Variants in SEC24C observed in about 807,000 individuals in gnomAD.
The protein encoded by SEC24C is SEC24 homolog C, COPII component, also known as protein transport protein Sec24C.
Under a neutral mutation model 117.0 loss-of-function variants are expected in SEC24C, and 22 were observed. That is an observed-to-expected ratio of 0.19 (90% CI 0.13 to 0.27). SEC24C has a LOEUF of 0.27. Ranked by LOEUF, SEC24C falls within the 10% of genes least tolerant of loss-of-function variation. The pLI, the probability that SEC24C is intolerant of heterozygous loss-of-function variation, is 1.00. For synonymous variants in SEC24C, 506 were observed against 529.4 expected (o/e 0.96, Z 0.61); for missense variants, 1,155 against 1,375.1 (o/e 0.84, Z 2.53).
In SEC24C at chr10:73,765,474, T is replaced by C. The variant is rs375307989; in HGVS notation, c.1251T>C (p.His417=). ...PEEASPYVVD[H]GESGPLRCNR... ...AGGCTTCACCGTATGTTGTGGACCA[T>C]GGGGAATCTGGCCCTTTGCGCTGCA... The change falls in exon 9 of 23, where the codon CAT becomes CAC. Residue 417 remains histidine (H), a synonymous_variant. Transcript: ENST00000345254. 20 of 1,613,660 alleles carry C rather than the reference T, an allele frequency of 1.2e-5. No homozygotes were observed. The highest frequency in any genetic ancestry group is 5.3e-5 in the African/African-American group (4 of 74,916).
intron 2 of SEC24C, among the ~76,000 whole-genome samples, chr10:73,747,485 A>G (rs2082574035): frequency 6.6e-6 from 1 of 150,984 alleles, no homozygotes; most frequent in Admixed American, 6.6e-5. Flanking sequence ...CTGAGTAGCT[A>G]GGATTACAGG....
intron 1 of SEC24C, among the ~76,000 whole-genome samples, chr10:73,746,011 C>G (rs541362512): frequency 6.6e-6 from 1 of 151,516 alleles, no homozygotes; most frequent in Non-Finnish European, 1.5e-5. Flanking sequence ...AATACAAAAA[C>G]TAGCTGGGTG....
chr10:73,755,902 A>C (rs1290872882), intron 3 of SEC24C, among the ~76,000 whole-genome samples: 1 of 150,864 alleles, frequency 6.6e-6, no homozygotes, highest in African/African-American at 2.4e-5. Flanking sequence ...CCCAGGCTGG[A>C]GTGCAGTGGC....
chr10:73,764,535 A>C (rs894434234), intron 8 of SEC24C, among the ~76,000 whole-genome samples: 3 of 151,936 alleles, frequency 2.0e-5, no homozygotes, highest in Non-Finnish European at 4.4e-5. Flanking sequence ...AAAAAAAAAA[A>C]AAAAACAAGA....
chr10:73,746,455 G>A (rs1388923614), intron 1 of SEC24C, among the ~76,000 whole-genome samples: 2 of 152,186 alleles, frequency 1.3e-5, no homozygotes, highest in Admixed American at 6.5e-5. Context: ...TCTTTCACCT[G>A]TAACATCAAG....
intron 7 of SEC24C, 49 bp downstream of exon 7, chr10:73,763,650 T>G (rs1565044304): frequency 2.3e-6 from 2 of 870,126 alleles, no homozygotes; most frequent in Non-Finnish European, 3.6e-6. Context: ...TTCAAGATTA[T>G]CAGCTTATGG....
In SEC24C at chr10:73,759,751, C is replaced by T. The variant is rs369155796; in HGVS notation, c.438C>T (p.Ser146=). 173 of 1,606,808 alleles carry T rather than the reference C, an allele frequency of 1.1e-4. No individual in the cohort carries two copies. Among genetic ancestry groups the T allele is most frequent in the Middle Eastern group, 1.7e-4 (1 of 6,040 alleles). The part of the protein sequence containing the change: ...VATQLSGMQI[S]GAVAPAPPSS... Reference sequence around the variant, plus strand: ...CGCAGCTGTCTGGAATGCAGATCAGCGGTGCTGTGGCCCCAGCCCCTCCTT... The same window carrying T: ...CGCAGCTGTCTGGAATGCAGATCAGTGGTGCTGTGGCCCCAGCCCCTCCTT... The change falls in exon 4 of 23, where the codon AGC becomes AGT. Residue 146 remains serine, a synonymous_variant. Coordinates refer to ENST00000345254, the MANE Select transcript of SEC24C (RefSeq NM_198597.3).
Position 73,757,439 on chromosome 10 carries a change from A to T in SEC24C, c.309-2183A>T, listed in dbSNP as rs548337507. 8.7e-5 allele frequency among the ~76,000 whole-genome samples: 13 copies of T among 148,938 alleles called. No homozygotes were observed. The South Asian group carries it at 2.6e-3, about 29-fold the overall frequency. On this transcript the variant is annotated intron_variant, in intron 3 of 22. Transcript: ENST00000345254. The stretch of plus-strand genomic sequence containing the variant: ...GGCAGGAGGATTGCTAGAGCCCTGG[A>T]GGTTGAGGCTACAGTGAGCCATGAT...
In SEC24C at chr10:73,762,061, T is replaced by A; in HGVS notation, c.987+1212T>A. On this transcript the variant is annotated intron_variant, in intron 6 of 22. Coordinates refer to ENST00000345254, the MANE Select transcript of SEC24C (RefSeq NM_198597.3). The stretch of plus-strand genomic sequence containing the variant: ...TCTTGTTCTTTTGTCTCCCTCCTTG[T>A]ATTCCCCTGCTGCATTTATTATTAA... The A allele has an allele frequency of 3.9e-6, 5 of 1,266,718 alleles. No individual in the cohort carries two copies. In the South Asian group the frequency reaches 6.2e-5, roughly 16 times the overall value. The allele number at this position is 1,266,718 out of a possible 1,614,324, so 78.5% of individuals were successfully genotyped here.
intron 4 of SEC24C, 59 bp from the exon 5 acceptor site, chr10:73,759,959 T>A: frequency 6.6e-7 from 1 of 1,518,532 alleles, no homozygotes; most frequent in Non-Finnish European, 8.8e-7. Context: ...GGAAGTGATA[T>A]ACCGAACAAG....
intron 8 of SEC24C, among the ~76,000 whole-genome samples, 192 bp from the exon 9 acceptor site, chr10:73,765,259 A>G (rs1301974249): frequency 6.6e-6 from 1 of 152,206 alleles, no homozygotes; most frequent in African/African-American, 2.4e-5. Flanking sequence ...AGAGGGAACT[A>G]TATAATTTTT....
In SEC24C at chr10:73,769,060, G is replaced by A. The variant is rs139460623; in HGVS notation, c.2332G>A (p.Val778Met). The A allele has an allele frequency of 6.9e-5, 112 of 1,614,140 alleles. No individual in the cohort carries two copies. Among genetic ancestry groups the A allele is most frequent in the Non-Finnish European group, 9.4e-5 (111 of 1,180,058 alleles). Residue 778 changes from valine (V) to methionine (M), a missense_variant, in exon 17 of 23, where the codon GTG (valine) becomes ATG (methionine). Transcript: ENST00000345254. This position sits in a 1 kb window ranked among gnomAD's most constrained non-coding sequence, Gnocchi z 4.5. Reference protein sequence around the residue: ...GAFYMSNTTDVELAGLDGDKT... With the variant: ...GAFYMSNTTDMELAGLDGDKT... ...TTTCTACATGAGCAACACGACAGATGTGGAGCTGGCTGGGCTAGATGGGGA... is the reference window on the plus strand; with the variant it reads ...TTTCTACATGAGCAACACGACAGATATGGAGCTGGCTGGGCTAGATGGGGA...
At chr10:73,750,836 G>T (rs2082632655) in intron 2 of SEC24C, among the ~76,000 whole-genome samples, 1 of 152,200 alleles carries the variant, frequency 6.6e-6, no homozygotes, top group Admixed American at 6.5e-5. Context: ...TGAGAGTATG[G>T]TGATCAAAGG....
intron 6 of SEC24C, among the ~76,000 whole-genome samples, chr10:73,761,098 G>A (rs917583004): frequency 2.0e-5 from 3 of 152,192 alleles, no homozygotes; most frequent in African/African-American, 7.2e-5. Context: ...ACCAGTAGAT[G>A]TCTGAGGGCT....
In SEC24C at chr10:73,765,475, G is replaced by A; in HGVS notation, c.1252G>A (p.Gly418Arg). ...GGCTTCACCGTATGTTGTGGACCAT[G>A]GGGAATCTGGCCCTTTGCGCTGCAA... Reference protein sequence around the residue: ...EEASPYVVDHGESGPLRCNRC... With the variant: ...EEASPYVVDHRESGPLRCNRC... Residue 418 changes from glycine (G) to arginine (R), a missense_variant, in exon 9 of 23, where the codon GGG becomes AGG. Physicochemically the swap from Gly to Arg is moderately radical, Grantham distance 125. This residue lies in a region of SEC24C where 759 missense variants were observed against 992.3 expected (regional missense o/e 0.76). Coordinates refer to ENST00000345254, the MANE Select transcript of SEC24C (RefSeq NM_198597.3). The A allele has an allele frequency of 6.2e-7, 1 of 1,613,776 alleles. No individual in the cohort carries two copies. Among genetic ancestry groups the A allele is most frequent in the Non-Finnish European group, 8.5e-7 (1 of 1,179,672 alleles).
chr10:73,757,137 C>G (rs893356006), intron 3 of SEC24C, among the ~76,000 whole-genome samples: 3 of 147,700 alleles, frequency 2.0e-5, no homozygotes, highest in African/African-American at 7.4e-5. Flanking sequence ...TGGTCTTGAA[C>G]TCCTGACCTC....
In SEC24C at chr10:73,769,851, T is replaced by C. The variant is rs1283198467; in HGVS notation, c.2698T>C (p.Cys900Arg). ...ATCCCCTCAGTTGATCCTTCCTGAG[T>C]GCATGAAGCTACTCCCAGTTTACCT... The part of the protein sequence containing the change: ...SSAGQLILPE[C>R]MKLLPVYLNC... Residue 900 changes from cysteine to arginine, a missense_variant, in exon 20 of 23, where the codon TGC becomes CGC. Coordinates refer to ENST00000345254, the MANE Select transcript of SEC24C (RefSeq NM_198597.3). This position sits in a 1 kb window ranked among gnomAD's most constrained non-coding sequence, Gnocchi z 4.5. 1 of 1,614,176 alleles carries C rather than the reference T, an allele frequency of 6.2e-7. No homozygotes were observed. The highest frequency in any genetic ancestry group is 8.5e-7 in the Non-Finnish European group (1 of 1,180,024).
intron 2 of SEC24C, among the ~76,000 whole-genome samples, chr10:73,748,234 C>T (rs952715808): frequency 3.3e-5 from 5 of 151,988 alleles, no homozygotes; most frequent in African/African-American, 1.2e-4. Context: ...CTCCCAGATT[C>T]AAGCAATTCT....
Position 73,759,807 on chromosome 10 carries a change from G to T in SEC24C, c.481+13G>T. ...GGGCTGGGCTTTGGTGAGTGGCTGT[G>T]AACACAGGAATGTTACTGTCCCCTG... On this transcript the variant is annotated intron_variant, in intron 4 of 22. Coordinates refer to ENST00000345254, the MANE Select transcript of SEC24C (RefSeq NM_198597.3). 1.3e-6 allele frequency: 2 copies of T among 1,554,108 alleles called. No homozygotes were observed. Among genetic ancestry groups the T allele is most frequent in the South Asian group, 2.4e-5 (2 of 82,200 alleles).
Sources: allele counts gnomAD v4.1 joint callset (sites outside exome capture counted in the v4.1 genomes callset), GRCh38; gene constraint gnomAD v4.1.1; regional missense constraint gnomAD v4.1.1; non-coding constraint Gnocchi (gnomAD v3.1); transcripts MANE v1.5; gene names NCBI Gene and HGNC (gene_info 2026-07-23, HGNC 2026-07-21).